The following TYR variants were observed in gnomAD, a reference collection of about 807,000 sequenced individuals.
TYR encodes the protein tyrosinase.
TYR carries 58 observed loss-of-function variants against 51.5 expected under a neutral mutation model. That is an observed-to-expected ratio of 1.13 (90% CI 0.91 to 1.40). The LOEUF (loss-of-function observed/expected upper bound fraction) is 1.40. TYR is among the 40% of genes most tolerant of loss of function. The pLI is 0.00. For missense variants in TYR, 732 were observed against 647.4 expected, an observed-to-expected ratio of 1.13 and a Z score of -1.42; for synonymous variants, 263 against 235.2, an observed-to-expected ratio of 1.12 and a Z score of -1.08.
chr11:89,182,571 G>GA (rs1943316144), intron 1 of TYR, among the ~76,000 whole-genome samples: 1 of 152,188 alleles, frequency 6.6e-6, no homozygotes, highest in Non-Finnish European at 1.5e-5. Flanking sequence ...TTATTGGTCA[G>GA]AGTTTTCTGT....
chr11:89,245,285 T>C (rs1415905879), intron 3 of TYR, among the ~76,000 whole-genome samples: 1 of 152,202 alleles, frequency 6.6e-6, no homozygotes, highest in Non-Finnish European at 1.5e-5. Flanking sequence ...GTGTGCTTAC[T>C]ACACACCAAA....
intron 3 of TYR, among the ~76,000 whole-genome samples, chr11:89,248,626 T>C (rs374664986): frequency 7.9e-5 from 12 of 152,320 alleles, no homozygotes; most frequent in African/African-American, 2.4e-4. Flanking sequence ...CAGAGATCAA[T>C]AGAGCCCTAA....
chr11:89,214,647 T>C (rs867181720), intron 2 of TYR, among the ~76,000 whole-genome samples: 1 of 152,084 alleles, frequency 6.6e-6, no homozygotes, highest in East Asian at 1.9e-4. Context: ...CCATCAATAA[T>C]GGACAGGATA....
At chr11:89,194,793 A>C (rs1014827552) in intron 2 of TYR, among the ~76,000 whole-genome samples, 4 of 152,164 alleles carry the variant, frequency 2.6e-5, no homozygotes, top group Non-Finnish European at 4.4e-5. Context: ...GAATTTGCCC[A>C]TGGTACACCT....
At chr11:89,223,524 C>A (rs1358557596) in intron 2 of TYR, among the ~76,000 whole-genome samples, 1 of 152,042 alleles carries the variant, frequency 6.6e-6, no homozygotes, top group African/African-American at 2.4e-5. Context: ...TTGACAGGTG[C>A]CAGAGTAGAG....
intron 2 of TYR, among the ~76,000 whole-genome samples, chr11:89,213,895 A>G (rs1371801046): frequency 6.6e-6 from 1 of 152,214 alleles, no homozygotes; most frequent in African/African-American, 2.4e-5. Flanking sequence ...CCATATGTAG[A>G]AATCTGAAAC....
intron 2 of TYR, among the ~76,000 whole-genome samples, chr11:89,208,441 G>T (rs1340844727): frequency 1.3e-5 from 2 of 152,106 alleles, no homozygotes; most frequent in Non-Finnish European, 2.9e-5. Flanking sequence ...AACATCAAGA[G>T]AACCAATGTG....
At chr11:89,237,603 A>C (rs2135288747) in intron 3 of TYR, among the ~76,000 whole-genome samples, 1 of 152,286 alleles carries the variant, frequency 6.6e-6, no homozygotes, top group African/African-American at 2.4e-5. Context: ...GCTTTGTAGT[A>C]TATTTTGCAG....
At chr11:89,293,597 A>G (rs533949049) in intron 4 of TYR, 2 of 152,644 alleles carry the variant, frequency 1.3e-5, no homozygotes, top group African/African-American at 4.8e-5. Flanking sequence ...TGAAAAAAAA[A>G]CACACACACC....
chr11:89,261,879 A>G (rs1289000019), intron 3 of TYR, among the ~76,000 whole-genome samples: 1 of 152,148 alleles, frequency 6.6e-6, no homozygotes, highest in Non-Finnish European at 1.5e-5. Flanking sequence ...AAAAAAATAG[A>G]AACTAATAAT....
At chr11:89,269,723 A>T (rs1297331727) in intron 3 of TYR, among the ~76,000 whole-genome samples, 2 of 151,954 alleles carry the variant, frequency 1.3e-5, no homozygotes, top group Non-Finnish European at 2.9e-5. Context: ...TAGCTATGTA[A>T]CAGGATTTTC....
At chr11:89,179,128 A>T (rs571123254) in intron 1 of TYR, among the ~76,000 whole-genome samples, 27 of 152,296 alleles carry the variant, frequency 1.8e-4, no homozygotes, top group African/African-American at 6.0e-4. Context: ...CTGGATGATT[A>T]AAAAAACAAA....
chr11:89,234,679 AG>A (rs1212405878), intron 3 of TYR, among the ~76,000 whole-genome samples: 2 of 108,648 alleles, frequency 1.8e-5, no homozygotes, highest in Non-Finnish European at 3.6e-5. Flanking sequence ...GGAGAGATTC[AG>A]GGGAGTGGCT....
chr11:89,271,684 T>C (rs1188847478), intron 3 of TYR, among the ~76,000 whole-genome samples: 3 of 151,854 alleles, frequency 2.0e-5, no homozygotes, highest in Non-Finnish European at 2.9e-5. Context: ...TTTCAAAAAA[T>C]ATATTCATGT....
intron 1 of TYR, 45 bp from the exon 2 acceptor site, chr11:89,191,157 T>C: frequency 1.9e-6 from 3 of 1,572,490 alleles, no homozygotes; most frequent in South Asian, 1.1e-5. Flanking sequence ...TCCTACTGAC[T>C]CAGTGGTGGT....
chr11:89,225,301 C>G (rs1341846234), intron 2 of TYR, among the ~76,000 whole-genome samples: 2 of 151,846 alleles, frequency 1.3e-5, no homozygotes, highest in African/African-American at 4.8e-5. Context: ...AATCTACTCT[C>G]TTAGCAATTT....
In TYR at chr11:89,177,957, C is replaced by G; in HGVS notation, c.4C>G (p.Leu2Val). 2 of 1,614,016 alleles carry G rather than the reference C, an allele frequency of 1.2e-6. No individual in the cohort carries two copies. Among genetic ancestry groups the G allele is most frequent in the Non-Finnish European group, 1.7e-6 (2 of 1,180,018 alleles). The change falls in exon 1 of 5, where the codon CTC (leucine) becomes GTC (valine). Residue 2 changes from leucine to valine, a missense_variant. By Grantham distance (32) the Leu-to-Val change is conservative (BLOSUM62 1). Coordinates refer to ENST00000263321, the MANE Select transcript of TYR (RefSeq NM_000372.5). Reference protein sequence around the residue: MLLAVLYCLLWS... With the variant: MVLAVLYCLLWS... The stretch of plus-strand genomic sequence containing the variant: ...CCTTGTGAGGACTAGAGGAAGAATG[C>G]TCCTGGCTGTTTTGTACTGCCTGCT...
At chr11:89,231,032 G>A (rs534819982) in intron 3 of TYR, among the ~76,000 whole-genome samples, 4 of 151,638 alleles carry the variant, frequency 2.6e-5, no homozygotes, top group African/African-American at 4.9e-5. Context: ...TTAGCCATGG[G>A]TGGTGGCAGA....
At chr11:89,181,521 G>A (rs1943298565) in intron 1 of TYR, among the ~76,000 whole-genome samples, 1 of 152,186 alleles carries the variant, frequency 6.6e-6, no homozygotes, top group Non-Finnish European at 1.5e-5. Context: ...TGTGTGAGAT[G>A]AGATCAAATA....
Sources: allele counts gnomAD v4.1 joint callset (sites outside exome capture counted in the v4.1 genomes callset), GRCh38; gene constraint gnomAD v4.1.1; transcripts MANE v1.5; gene names NCBI Gene and HGNC (gene_info 2026-07-23, HGNC 2026-07-21).